Variants in OLA1 observed in about 807,000 individuals in gnomAD.
OLA1 encodes Obg like ATPase 1.
In OLA1, 14 loss-of-function variants were observed where a neutral mutation model predicts 48.4. The observed-to-expected ratio is 0.29, with a 90% CI of 0.19 to 0.45. The LOEUF (loss-of-function observed/expected upper bound fraction) is 0.45, where lower values mean the gene tolerates loss of function less well. OLA1 is among the 20% of genes least tolerant of loss of function. OLA1 has a pLI of 1.00. For synonymous variants in OLA1, 127 were observed against 150.4 expected (o/e 0.84, Z 1.14); for missense variants, 325 against 467.1 (o/e 0.70, Z 2.80).
At chr2:174,207,162 C>A (rs1398123721) in intron 4 of OLA1, among the ~76,000 whole-genome samples, 1 of 152,156 alleles carries the variant, frequency 6.6e-6, no homozygotes, top group African/African-American at 2.4e-5. Flanking sequence ...GGCATTTTTA[C>A]CTTCTCATTT....
intron 9 of OLA1, among the ~76,000 whole-genome samples, chr2:174,079,942 G>A (rs554204690): frequency 5.0e-4 from 76 of 152,026 alleles, no homozygotes; most frequent in Non-Finnish European, 1.0e-3. Flanking sequence ...AGATAAACCA[G>A]CTTTCACATT....
chr2:174,192,598 T>A (rs1018736791), intron 4 of OLA1, among the ~76,000 whole-genome samples: 9 of 152,214 alleles, frequency 5.9e-5, no homozygotes, highest in African/African-American at 2.2e-4. Context: ...TTCAGAAGAA[T>A]TAGCAATAAA....
At chr2:174,234,025 A>G (rs557666569) in intron 2 of OLA1, among the ~76,000 whole-genome samples, 1 of 152,308 alleles carries the variant, frequency 6.6e-6, no homozygotes, top group South Asian at 2.1e-4. Flanking sequence ...TTTCAATAAA[A>G]TTTACACTGA....
intron 7 of OLA1, among the ~76,000 whole-genome samples, chr2:174,083,336 A>T (rs1466111899): frequency 1.3e-5 from 2 of 152,134 alleles, no homozygotes; most frequent in African/African-American, 4.8e-5. Flanking sequence ...TTAGAAAATT[A>T]AGACTATGGC....
chr2:174,202,765 T>C (rs1056884871), intron 4 of OLA1, among the ~76,000 whole-genome samples: 1 of 152,176 alleles, frequency 6.6e-6, no homozygotes, highest in Non-Finnish European at 1.5e-5. Flanking sequence ...TTATTTTCCT[T>C]ATGATTTTCT....
At chr2:174,202,690 TTCAGAAGAC>T (rs2105433646) in intron 4 of OLA1, among the ~76,000 whole-genome samples, 1 of 152,294 alleles carries the variant, frequency 6.6e-6, no homozygotes, top group Non-Finnish European at 1.5e-5. Context: ...TTGCTACCAT[TTCAGAAGAC>T]TCATCTTGTA....
chr2:174,175,862 A>T lies in OLA1; in HGVS notation c.374-33862T>A, dbSNP rs1170665472. The stretch of plus-strand genomic sequence containing the variant: ...ATAATATTAAAGGCTACATAGTAAT[A>T]AGAAAGTATTAACGTACACAATATG... On this transcript the variant is annotated intron_variant, in intron 4 of 10. Coordinates refer to ENST00000284719, the MANE Select transcript of OLA1 (RefSeq NM_013341.5). Among the ~76,000 whole-genome samples the T allele has an allele frequency of 2.0e-5, 3 of 152,220 alleles. 1 individual carries two copies. The East Asian group carries it at 5.8e-4, about 29-fold the overall frequency.
At chr2:174,156,079 C>T (rs1272595896) in intron 4 of OLA1, among the ~76,000 whole-genome samples, 1 of 152,134 alleles carries the variant, frequency 6.6e-6, no homozygotes, top group Non-Finnish European at 1.5e-5. Flanking sequence ...TGTATGTAAA[C>T]AGCTTAGGAC....
chr2:174,135,980 C>G (rs897209147), intron 5 of OLA1, among the ~76,000 whole-genome samples: 1 of 152,172 alleles, frequency 6.6e-6, no homozygotes, highest in Non-Finnish European at 1.5e-5. Flanking sequence ...GTCTATTAAG[C>G]GTACAATAGC....
intron 4 of OLA1, among the ~76,000 whole-genome samples, chr2:174,152,073 T>C (rs868434852): frequency 1.3e-5 from 2 of 152,214 alleles, no homozygotes; most frequent in South Asian, 4.1e-4. Context: ...TATGTATCTT[T>C]GCATTAAGTA....
intron 5 of OLA1, among the ~76,000 whole-genome samples, chr2:174,133,909 T>A (rs1686242237): frequency 6.6e-6 from 1 of 152,198 alleles, no homozygotes; most frequent in South Asian, 2.1e-4. Context: ...AATAAAGCAA[T>A]GTATTCATTA....
At chr2:174,165,398 T>C (rs1261536234) in intron 4 of OLA1, among the ~76,000 whole-genome samples, 1 of 152,184 alleles carries the variant, frequency 6.6e-6, no homozygotes, top group Non-Finnish European at 1.5e-5. Context: ...TCTTCAGAAA[T>C]TGTGAGTTCT....
chr2:174,084,649 C>A (rs768322401), intron 7 of OLA1, among the ~76,000 whole-genome samples: 3 of 152,104 alleles, frequency 2.0e-5, no homozygotes, highest in African/African-American at 7.2e-5. Context: ...CCATGGGGAC[C>A]AGTTACCTTT....
At chr2:174,234,874 CTAGGCGGG>C (rs1316489394) in intron 2 of OLA1, among the ~76,000 whole-genome samples, 1 of 152,080 alleles carries the variant, frequency 6.6e-6, no homozygotes, top group East Asian at 1.9e-4. Context: ...AATTTTAAAA[CTAGGCGGG>C]GCATGGTAGC....
At chr2:174,235,976 A>G (rs1261251211) in intron 2 of OLA1, among the ~76,000 whole-genome samples, 3 of 152,196 alleles carry the variant, frequency 2.0e-5, no homozygotes, top group African/African-American at 7.2e-5. Flanking sequence ...TCTTAGTACT[A>G]GGGCTTAAGT....
At chr2:174,114,172 C>CAAAAAA (rs33971592) in intron 7 of OLA1, among the ~76,000 whole-genome samples, 2 of 78,210 alleles carry the variant, frequency 2.6e-5, no homozygotes, top group South Asian at 4.9e-4. Flanking sequence ...ACTAAAAATA[C>CAAAAAA]AAAAAAAAAA....
intron 7 of OLA1, among the ~76,000 whole-genome samples, chr2:174,096,535 T>C (rs1685259839): frequency 6.6e-6 from 1 of 152,160 alleles, no homozygotes; most frequent in South Asian, 2.1e-4. Context: ...TGACCTTCCT[T>C]TGGAAATAGT....
rs149131158 is a variant in OLA1 at position 174,186,747 on chromosome 2, A to G, written c.373+36286T>C. On this transcript the variant is annotated intron_variant, in intron 4 of 10. Coordinates refer to ENST00000284719, the MANE Select transcript of OLA1 (RefSeq NM_013341.5). ...GGAAAAAAGGCCTGCAGATGCCCCT[A>G]TAGGTAACAGTGATAAGAAAAAAAG... 3.0e-3 allele frequency among the ~76,000 whole-genome samples: 462 copies of G among 152,250 alleles called. 4 individuals carry two copies. The highest frequency in any genetic ancestry group is 0.01 in the African/African-American group (416 of 41,540).
chr2:174,152,405 A>G lies in OLA1; in HGVS notation c.374-10405T>C, dbSNP rs1051306424. Among the ~76,000 whole-genome samples, 21 of 152,176 alleles carry G rather than the reference A, an allele frequency of 1.4e-4. 1 individual carries two copies. Among genetic ancestry groups the G allele is most frequent in the African/African-American group, 5.1e-4 (21 of 41,452 alleles). On this transcript the variant is annotated intron_variant, in intron 4 of 10. Transcript: ENST00000284719. ...GTGACAGAGTAAGACTCCGTCTCAA[A>G]AAATAAAAATAAAAAAAAGTTAAAA...
Sources: gnomAD v4.1 joint callset for allele counts (sites outside exome capture counted in the v4.1 genomes callset) on GRCh38, gnomAD v4.1.1 for gene constraint, MANE v1.5 for transcripts, NCBI Gene and HGNC (gene_info 2026-07-23, HGNC 2026-07-21) for gene names.